Variants in RALGPS1 observed in about 807,000 individuals in gnomAD.
The protein encoded by RALGPS1 is Ral GEF with PH domain and SH3 binding motif 1, also known as ras-specific guanine nucleotide-releasing factor RalGPS1.
A neutral mutation model predicts 78.8 loss-of-function variants in RALGPS1; 19 were observed. The observed-to-expected ratio is 0.24, with a 90% CI of 0.17 to 0.35. The LOEUF is 0.35. Ranked by LOEUF, RALGPS1 falls within the 10% of genes least tolerant of loss-of-function variation. RALGPS1 has a pLI of 1.00. For missense variants in RALGPS1, 454 were observed against 688.3 expected, an observed-to-expected ratio of 0.66 and a Z score of 3.81; for synonymous variants, 228 against 256.3, an observed-to-expected ratio of 0.89 and a Z score of 1.06.
intron 1 of RALGPS1, among the ~76,000 whole-genome samples, chr9:126,925,744 A>G (rs1012395598): frequency 6.6e-6 from 1 of 152,142 alleles, no homozygotes; most frequent in Non-Finnish European, 1.5e-5. Flanking sequence ...GCAAAAGAGG[A>G]GTATAAGGTG....
chr9:127,087,109 TC>T (rs1382027900), intron 8 of RALGPS1, among the ~76,000 whole-genome samples: 2 of 152,150 alleles, frequency 1.3e-5, no homozygotes, highest in Non-Finnish European at 2.9e-5. Context: ...GGTGGAGACA[TC>T]CAGGACACAG....
intron 8 of RALGPS1, among the ~76,000 whole-genome samples, chr9:127,107,711 G>A (rs2137071463): frequency 6.6e-6 from 1 of 152,232 alleles, no homozygotes; most frequent in East Asian, 1.9e-4. Context: ...ATATCTTTGA[G>A]GATCCATCTA....
chr9:127,201,970 C>T (rs139140114), intron 14 of RALGPS1, among the ~76,000 whole-genome samples: 43 of 152,270 alleles, frequency 2.8e-4, no homozygotes, highest in African/African-American at 9.1e-4. Flanking sequence ...GCCTGGGCCA[C>T]GCAGAGAAGT....
At chr9:127,089,080 G>T in intron 8 of RALGPS1, 1 of 1,614,254 alleles carries the variant, frequency 6.2e-7, no homozygotes, top group Non-Finnish European at 8.5e-7. Flanking sequence ...CCCCGTTGAG[G>T]TTGGAGTGGG....
chr9:127,050,972 A>G (rs1203510334), intron 6 of RALGPS1, among the ~76,000 whole-genome samples: 1 of 152,186 alleles, frequency 6.6e-6, no homozygotes, highest in African/African-American at 2.4e-5. Context: ...TTCCATTTGC[A>G]GAGGAAGGAG....
intron 11 of RALGPS1, among the ~76,000 whole-genome samples, chr9:127,189,562 A>G (rs904472899): frequency 6.6e-6 from 1 of 152,246 alleles, no homozygotes; most frequent in Admixed American, 6.5e-5. Context: ...TACAGACCTC[A>G]GAGGAGTGCT....
chr9:127,060,594 T>G (rs2135601373), intron 7 of RALGPS1, among the ~76,000 whole-genome samples: 1 of 152,166 alleles, frequency 6.6e-6, no homozygotes, highest in East Asian at 1.9e-4. Context: ...TGGCAGAGGC[T>G]TCCATCCTTG....
chr9:126,977,846 C>T (rs1358842664), intron 4 of RALGPS1, 101 bp downstream of exon 4: 1 of 785,816 alleles, frequency 1.3e-6, no homozygotes, highest in Non-Finnish European at 2.1e-6. Context: ...CTTGCAGGCT[C>T]TATAAATGCA....
At chr9:127,197,858 A>G (rs1321845892) in intron 13 of RALGPS1, among the ~76,000 whole-genome samples, 1 of 152,244 alleles carries the variant, frequency 6.6e-6, no homozygotes, top group African/African-American at 2.4e-5. Flanking sequence ...AGAAGGCATC[A>G]GAGTCCACAG....
chr9:127,116,782 A>G (rs2055472632), intron 8 of RALGPS1, among the ~76,000 whole-genome samples: 1 of 152,176 alleles, frequency 6.6e-6, no homozygotes, highest in Non-Finnish European at 1.5e-5. Flanking sequence ...TGCCTCACTG[A>G]TCCCGGTAGC....
intron 5 of RALGPS1, among the ~76,000 whole-genome samples, chr9:127,038,861 A>G (rs1280843985): frequency 6.6e-6 from 1 of 152,210 alleles, no homozygotes; most frequent in East Asian, 1.9e-4. Flanking sequence ...AGAAAATATT[A>G]GAAGACAAAA....
chr9:127,199,834 T>TCCAGTGA (rs2061536179), intron 14 of RALGPS1, among the ~76,000 whole-genome samples: 1 of 152,088 alleles, frequency 6.6e-6, no homozygotes, highest in East Asian at 1.9e-4. Context: ...GCGGGAAACA[T>TCCAGTGA]CCAGTGACCA....
intron 8 of RALGPS1, among the ~76,000 whole-genome samples, chr9:127,141,260 T>C (rs913800981): frequency 6.6e-6 from 1 of 152,078 alleles, no homozygotes; most frequent in Admixed American, 6.5e-5. Flanking sequence ...AGCCGTACAG[T>C]AAGGTGTAAA....
intron 4 of RALGPS1, among the ~76,000 whole-genome samples, chr9:127,009,108 G>C (rs866211290): frequency 8.5e-5 from 13 of 152,204 alleles, no homozygotes; most frequent in African/African-American, 3.1e-4. Context: ...TCTTCTCAAA[G>C]AATCTGTCTT....
chr9:126,916,078 A>G (rs965811612), intron 1 of RALGPS1, among the ~76,000 whole-genome samples: 2 of 152,208 alleles, frequency 1.3e-5, no homozygotes, highest in Non-Finnish European at 1.5e-5. Flanking sequence ...TGGTGAGGAT[A>G]GGATGAAACA....
In RALGPS1 at chr9:127,073,466, C is replaced by CTGTGTGTGTGTGTGTGTGTGTGTG. The variant is rs58611833; in HGVS notation, c.610+4131_610+4132insGTGTGTGTGTGTGTGTGTGTGTGT. ...CACCATTGTGTGTGTGTGTGTGTGTCTGTGTGTGTGTGTGTGTGTGTATAA... is the reference window on the plus strand; with the variant it reads ...CACCATTGTGTGTGTGTGTGTGTGTCTGTGTGTGTGTGTGTGTGTGTGTGTGTGTGTGTGTGTGTGTGTGTATAA... On this transcript the variant is annotated intron_variant, in intron 8 of 18. Coordinates refer to ENST00000259351, the MANE Select transcript of RALGPS1 (RefSeq NM_014636.3). Among the ~76,000 whole-genome samples, 36 of 143,026 alleles carry CTGTGTGTGTGTGTGTGTGTGTGTG rather than the reference C, an allele frequency of 2.5e-4. No homozygotes were observed. In the South Asian group the frequency reaches 3.0e-3, roughly 12 times the overall value. 93.8% of individuals were successfully genotyped at this position (143,026 alleles called of 152,430 possible). A position where few individuals can be genotyped will look rare whatever the true frequency, so the allele number is the denominator to read the frequency against.
At chr9:127,031,721 C>T (rs938271779) in intron 4 of RALGPS1, among the ~76,000 whole-genome samples, 2 of 152,224 alleles carry the variant, frequency 1.3e-5, no homozygotes, top group African/African-American at 4.8e-5. Context: ...TTGCTCCTTC[C>T]ATTTTATCAA....
chr9:127,212,890 TGTGGA>T lies in RALGPS1; in HGVS notation c.1447-47_1447-43del. The T allele has an allele frequency of 1.9e-6, 3 of 1,612,470 alleles. No individual in the cohort carries two copies. The highest frequency in any genetic ancestry group is 2.5e-6 in the Non-Finnish European group (3 of 1,179,196). The stretch of plus-strand genomic sequence containing the variant: ...TTGCCTGGCCCACGTCGGCCTCCCT[TGTGGA>T]GTGGAGGGCTGGGCCCCGGTCTCCG... On this transcript the variant is annotated intron_variant, in intron 16 of 18. Coordinates refer to ENST00000259351, the MANE Select transcript of RALGPS1 (RefSeq NM_014636.3). The surrounding 1 kb of genome is among the most constrained non-coding windows in gnomAD (Gnocchi z 6.0).
chr9:127,018,621 ACT>A lies in RALGPS1; in HGVS notation c.217-15807_217-15806del, dbSNP rs1225176544. ...GCACTCCAGCCTGGGTGACAGTGAG[ACT>A]CTGTCTCAAAAAATAATAATGATGA... On this transcript the variant is annotated intron_variant, in intron 4 of 18. Transcript: ENST00000259351. 1.1e-4 allele frequency among the ~76,000 whole-genome samples: 17 copies of A among 149,478 alleles called. No individual in the cohort carries two copies. In the East Asian group the frequency reaches 2.2e-3, roughly 19 times the overall value.
Sources: gnomAD v4.1 joint callset for allele counts (sites outside exome capture counted in the v4.1 genomes callset) on GRCh38, gnomAD v4.1.1 for gene constraint, Gnocchi (gnomAD v3.1) non-coding constraint, MANE v1.5 for transcripts, NCBI Gene and HGNC (gene_info 2026-07-23, HGNC 2026-07-21) for gene names.